The following ITGA1 variants were observed in gnomAD, a reference collection of about 807,000 sequenced individuals.
ITGA1 encodes integrin alpha-1.
A neutral mutation model predicts 145.9 loss-of-function variants in ITGA1; 85 were observed. The ratio of observed to expected loss-of-function variants is 0.58; its 90% CI spans 0.49 to 0.70. ITGA1 has a LOEUF of 0.70. Among genes scored for constraint, ITGA1 ranks in the 30% least tolerant of loss-of-function variants. The probability of loss-of-function intolerance (pLI) is 0.00; values close to 1 mark genes in which losing one functional copy is unlikely to be tolerated. For missense variants in ITGA1, 1,351 were observed against 1,418.7 expected, an observed-to-expected ratio of 0.95 and a Z score of 0.77; for synonymous variants, 520 against 495.3, an observed-to-expected ratio of 1.05 and a Z score of -0.66.
chr5:52,885,603 CAG>C (rs1486948059), intron 7 of ITGA1, among the ~76,000 whole-genome samples: 2 of 152,238 alleles, frequency 1.3e-5, no homozygotes, highest in African/African-American at 4.8e-5. Flanking sequence ...TTAAATTTGA[CAG>C]AGTTTATTTG....
chr5:52,876,898 C>T (rs1749876062), intron 6 of ITGA1, among the ~76,000 whole-genome samples: 1 of 152,054 alleles, frequency 6.6e-6, no homozygotes, highest in Admixed American at 6.6e-5. Flanking sequence ...GAGAGTGGAA[C>T]TGGAATTAAA....
chr5:52,865,870 A>T, intron 6 of ITGA1, 53 bp downstream of exon 6: 2 of 1,432,564 alleles, frequency 1.4e-6, no homozygotes, highest in Non-Finnish European at 1.8e-6. Flanking sequence ...AAATGCACAA[A>T]TTTTTAATAA....
chr5:52,821,815 C>G (rs1288970639), intron 1 of ITGA1, among the ~76,000 whole-genome samples: 1 of 152,066 alleles, frequency 6.6e-6, no homozygotes, highest in Non-Finnish European at 1.5e-5. Flanking sequence ...AATCTAAATG[C>G]CTTTAAAATT....
At chr5:52,829,695 C>A (rs963228078) in intron 1 of ITGA1, among the ~76,000 whole-genome samples, 1 of 151,936 alleles carries the variant, frequency 6.6e-6, no homozygotes, top group Admixed American at 6.6e-5. Flanking sequence ...TCTTTCAAGA[C>A]ATTAAAAAGC....
In ITGA1 at chr5:52,884,320, G is replaced by T. The variant is rs919662402; in HGVS notation, c.773+2299G>T. 2.0e-5 allele frequency among the ~76,000 whole-genome samples: 3 copies of T among 151,990 alleles called. No homozygotes were observed. In the East Asian group the frequency reaches 5.8e-4, roughly 30 times the overall value. On this transcript the variant is annotated intron_variant, in intron 7 of 28. Coordinates refer to ENST00000282588, the MANE Select transcript of ITGA1 (RefSeq NM_181501.2). ...AAATTAGCCGGGCGTGGTGGTGGGC[G>T]CCTGTAATCCCAGCTACTCAGGAGG...
intron 1 of ITGA1, among the ~76,000 whole-genome samples, chr5:52,830,321 GC>G (rs1395327095): frequency 6.6e-6 from 1 of 151,970 alleles, no homozygotes; most frequent in African/African-American, 2.4e-5. Flanking sequence ...AGATGATGAG[GC>G]TTTAATTCAG....
intron 1 of ITGA1, among the ~76,000 whole-genome samples, chr5:52,808,707 G>A (rs767643986): frequency 1.5e-3 from 63 of 40,830 alleles, no homozygotes; most frequent in Non-Finnish European, 2.4e-3. Flanking sequence ...TGTTTGATGA[G>A]TTTGAAGAGG....
chr5:52,948,922 CAAAT>C (rs952009754), intron 28 of ITGA1: 3 of 152,172 alleles, frequency 2.0e-5, no homozygotes, highest in African/African-American at 7.2e-5. Flanking sequence ...TTCAGACAAA[CAAAT>C]AGGAAATTTC....
chr5:52,890,535 C>T (rs1477617864), intron 8 of ITGA1, among the ~76,000 whole-genome samples: 1 of 152,180 alleles, frequency 6.6e-6, no homozygotes, highest in Non-Finnish European at 1.5e-5. Flanking sequence ...AGATATAGAG[C>T]AATTTCATCA....
At chr5:52,934,273 A>G (rs1268097393) in intron 23 of ITGA1, among the ~76,000 whole-genome samples, 1 of 151,546 alleles carries the variant, frequency 6.6e-6, no homozygotes, top group Non-Finnish European at 1.5e-5. Context: ...TCCTCAAAAT[A>G]AGATACCACT....
chr5:52,886,019 G>T (rs1750040939), intron 7 of ITGA1, among the ~76,000 whole-genome samples: 1 of 152,062 alleles, frequency 6.6e-6, no homozygotes, highest in Non-Finnish European at 1.5e-5. Flanking sequence ...TAGAGGGTGG[G>T]GAATGAGGAA....
intron 3 of ITGA1, 36 bp downstream of exon 3, chr5:52,861,595 G>A (rs746548058): frequency 8.1e-7 from 1 of 1,229,822 alleles, no homozygotes; most frequent in Admixed American, 1.7e-5. Context: ...TTTAGGCCAG[G>A]TGCGGTGAGT....
intron 1 of ITGA1, among the ~76,000 whole-genome samples, chr5:52,847,215 C>A (rs1297039308): frequency 6.6e-6 from 1 of 151,904 alleles, no homozygotes; most frequent in African/African-American, 2.4e-5. Context: ...AAAGACTTTA[C>A]AAATAGATAT....
intron 6 of ITGA1, among the ~76,000 whole-genome samples, chr5:52,866,730 A>G (rs1013997471): frequency 6.6e-6 from 1 of 152,224 alleles, no homozygotes; most frequent in Non-Finnish European, 1.5e-5. Flanking sequence ...ATGAAGTGGA[A>G]CTTCTCACAC....
At chr5:52,819,839 G>A (rs1416170314) in intron 1 of ITGA1, among the ~76,000 whole-genome samples, 1 of 152,104 alleles carries the variant, frequency 6.6e-6, no homozygotes, top group Non-Finnish European at 1.5e-5. Context: ...GTGTAAGGAA[G>A]GGATCCGGTT....
intron 6 of ITGA1, among the ~76,000 whole-genome samples, chr5:52,876,935 G>A (rs1336287994): frequency 1.3e-5 from 2 of 152,146 alleles, no homozygotes; most frequent in African/African-American, 4.8e-5. Context: ...TAGTAGGAGG[G>A]ACAAAGAAGT....
At chr5:52,813,262 G>A (rs1363563520) in intron 1 of ITGA1, among the ~76,000 whole-genome samples, 1 of 152,094 alleles carries the variant, frequency 6.6e-6, no homozygotes, top group African/African-American at 2.4e-5. Flanking sequence ...TTCCAATCAA[G>A]TAAAATTAAT....
Position 52,958,235 on chromosome 5 carries a change from A to C in ITGA1, c.*5784A>C, listed in dbSNP as rs1000139366. 5.3e-5 allele frequency: 8 copies of C among 152,162 alleles called. No individual in the cohort carries two copies. The highest frequency in any genetic ancestry group is 1.2e-4 in the Non-Finnish European group (8 of 68,046). 9.4% of individuals were successfully genotyped at this position (152,162 alleles called of 1,614,324 possible). ...TTTTGCACCTTGAGAGACAGGAAAA[A>C]AAATGGGGGTGAGGGAGTGGAAGAT... On this transcript the variant is annotated 3_prime_UTR_variant, in exon 29 of 29. Coordinates refer to ENST00000282588, the MANE Select transcript of ITGA1 (RefSeq NM_181501.2).
chr5:52,848,056 G>A (rs1749365896), intron 1 of ITGA1, among the ~76,000 whole-genome samples: 1 of 152,192 alleles, frequency 6.6e-6, no homozygotes, highest in East Asian at 1.9e-4. Context: ...CAAATATGTA[G>A]TATGTGCCAG....
Sources: gnomAD v4.1 joint callset for allele counts (sites outside exome capture counted in the v4.1 genomes callset) on GRCh38, gnomAD v4.1.1 for gene constraint, MANE v1.5 for transcripts, NCBI Gene and HGNC (gene_info 2026-07-23, HGNC 2026-07-21) for gene names.